Variants in RYR2 observed in about 807,000 individuals in gnomAD.
RYR2 encodes the protein ryanodine receptor 2, also known as cardiac muscle ryanodine receptor-calcium release channel.
Under a neutral mutation model 601.1 loss-of-function variants are expected in RYR2, and 227 were observed. That is an observed-to-expected ratio of 0.38 (90% CI 0.34 to 0.42). RYR2 has a LOEUF of 0.42. Ranked by LOEUF, RYR2 falls within the 10% of genes least tolerant of loss-of-function variation. The pLI is 1.00. For missense variants in RYR2, 4,646 were observed against 6,156.5 expected (o/e 0.75, Z 8.21); for synonymous variants, 2,223 against 2,175.1 (o/e 1.02, Z -0.61).
chr1:237,609,784 A>G (rs535009532), intron 35 of RYR2, among the ~76,000 whole-genome samples: 1 of 152,164 alleles, frequency 6.6e-6, no homozygotes, highest in South Asian at 2.1e-4. Flanking sequence ...CCCCAGGCCC[A>G]TGACATCTCT....
intron 2 of RYR2, among the ~76,000 whole-genome samples, chr1:237,323,099 A>G (rs897105685): frequency 6.6e-6 from 1 of 152,158 alleles, no homozygotes; most frequent in Non-Finnish European, 1.5e-5. Flanking sequence ...TTTTCAAAAC[A>G]TAATTCTGAC....
chr1:237,235,569 G>A (rs1411506898), intron 1 of RYR2, among the ~76,000 whole-genome samples: 2 of 152,158 alleles, frequency 1.3e-5, no homozygotes, highest in Non-Finnish European at 2.9e-5. Flanking sequence ...TGGAGTTGGT[G>A]GAGTGAACTG....
intron 2 of RYR2, among the ~76,000 whole-genome samples, chr1:237,300,607 G>C (rs1342842102): frequency 6.6e-6 from 1 of 152,090 alleles, no homozygotes; most frequent in East Asian, 1.9e-4. Context: ...ATGAGTTGCT[G>C]ATGATCTGCA....
At chr1:237,064,019 G>T (rs1663220710) in intron 1 of RYR2, among the ~76,000 whole-genome samples, 1 of 151,920 alleles carries the variant, frequency 6.6e-6, no homozygotes, top group African/African-American at 2.4e-5. Flanking sequence ...TGAATCTGAG[G>T]CTTGGTATTT....
At position 237,707,109 on chromosome 1, in the gene RYR2, T is replaced by C; in HGVS notation, c.9741T>C (p.Ser3247=). 1 of 1,613,942 alleles carries C rather than the reference T, an allele frequency of 6.2e-7. No individual in the cohort carries two copies. Among genetic ancestry groups the C allele is most frequent in the Non-Finnish European group, 8.5e-7 (1 of 1,179,882 alleles). The part of the protein sequence containing the change: ...VILPMLCSYM[S]RWWEHGPENN... ...TGCCCATGCTTTGCAGCTACATGTC[T>C]CGTTGGTGGGAGCATGGACCTGAGA... Residue 3247 remains serine (S), a synonymous_variant, in exon 68 of 105, where the codon TCT becomes TCC. Coordinates refer to ENST00000366574, the MANE Select transcript of RYR2 (RefSeq NM_001035.3).
Position 237,721,173 on chromosome 1 carries a change from A to G in RYR2, c.10555-1955A>G, listed in dbSNP as rs141936433. 4.6e-5 allele frequency among the ~76,000 whole-genome samples: 7 copies of G among 152,328 alleles called. No individual in the cohort carries two copies. In the East Asian group the frequency reaches 1.2e-3, roughly 25 times the overall value. On this transcript the variant is annotated intron_variant, in intron 73 of 104. Coordinates refer to ENST00000366574, the MANE Select transcript of RYR2 (RefSeq NM_001035.3). Reference sequence around the variant, plus strand: ...GCCAGAGGAGTAATTTTATGTTAGAATAAAGATTCTACTTTATTAATTATG... The same window carrying G: ...GCCAGAGGAGTAATTTTATGTTAGAGTAAAGATTCTACTTTATTAATTATG...
intron 1 of RYR2, among the ~76,000 whole-genome samples, chr1:237,103,967 C>T (rs1038347955): frequency 2.0e-5 from 3 of 152,120 alleles, no homozygotes; most frequent in Admixed American, 1.3e-4. Context: ...GGTTGTCTCT[C>T]TGTGGTCACC....
At chr1:237,246,723 T>C (rs1039118799) in intron 1 of RYR2, among the ~76,000 whole-genome samples, 4 of 152,208 alleles carry the variant, frequency 2.6e-5, no homozygotes, top group East Asian at 3.8e-4. Context: ...TAATTGAATC[T>C]TCCTCTCCTT....
chr1:237,427,177 GAAGTA>G (rs531072941), intron 12 of RYR2, among the ~76,000 whole-genome samples: 3 of 152,234 alleles, frequency 2.0e-5, no homozygotes, highest in African/African-American at 4.8e-5. Flanking sequence ...CTAATAAAAA[GAAGTA>G]AAGTGTTACT....
At chr1:237,529,728 G>A (rs10925447) in intron 24 of RYR2, among the ~76,000 whole-genome samples, 4 of 138,614 alleles carry the variant, frequency 2.9e-5, no homozygotes, top group Admixed American at 7.5e-5. Context: ...CTGTATATAC[G>A]CATTTCTATA....
chr1:237,737,389 A>C (rs2149191592), intron 79 of RYR2, among the ~76,000 whole-genome samples: 1 of 152,320 alleles, frequency 6.6e-6, no homozygotes, highest in South Asian at 2.1e-4. Context: ...TGCCACCCAG[A>C]AGTTAATCAA....
In RYR2 at chr1:237,402,388, T is replaced by TA. The variant is rs759222041; in HGVS notation, c.773+14215dup. ...GGTGGCAGAGCAAGACCCTATCTCT[T>TA]AAAAAAAAAAGAAAAAAAAATATAT... is the stretch of plus-strand genomic sequence containing the variant. On this transcript the variant is annotated intron_variant, in intron 10 of 104. Coordinates refer to ENST00000366574, the MANE Select transcript of RYR2 (RefSeq NM_001035.3). Among the ~76,000 whole-genome samples the TA allele has an allele frequency of 7.6e-3, 1,078 of 141,204 alleles. 14 individuals are homozygous for TA. The highest frequency in any genetic ancestry group is 0.025 in the African/African-American group (965 of 38,326). 92.6% of individuals were successfully genotyped at this position (141,204 alleles called of 152,430 possible).
intron 62 of RYR2, among the ~76,000 whole-genome samples, chr1:237,684,303 C>T (rs1298491118): frequency 1.3e-5 from 2 of 152,020 alleles, no homozygotes; most frequent in Non-Finnish European, 2.9e-5. Context: ...TAAACACACA[C>T]ACACACAATA....
chr1:237,392,648 G>A (rs911376577), intron 10 of RYR2, among the ~76,000 whole-genome samples: 2 of 151,320 alleles, frequency 1.3e-5, no homozygotes, highest in Non-Finnish European at 2.9e-5. Flanking sequence ...ATCAACAAAG[G>A]CATTTCCTTT....
At chr1:237,563,374 G>A (rs111325478) in intron 27 of RYR2, among the ~76,000 whole-genome samples, 2,128 of 146,088 alleles carry the variant, frequency 0.015, 18 homozygotes, top group Non-Finnish European at 0.023. Context: ...TGGTGCCATC[G>A]CACTCCAGCC....
rs181584115 is a variant in RYR2, at chr1:237,055,135, G to C, written c.48+12566G>C. On this transcript the variant is annotated intron_variant, in intron 1 of 104. Transcript: ENST00000366574. ...TCTCTTCAGTTAAACCCTTGAGAGT[G>C]CCATTCCCTTCCTTGATGAGACCCT... 2.9e-3 allele frequency among the ~76,000 whole-genome samples: 440 copies of C among 152,246 alleles called. 3 individuals carry two copies. Among genetic ancestry groups the C allele is most frequent in the African/African-American group, 0.01 (427 of 41,512 alleles).
chr1:237,451,507 G>A (rs1177230393), intron 14 of RYR2, among the ~76,000 whole-genome samples: 5 of 150,608 alleles, frequency 3.3e-5, no homozygotes, highest in Non-Finnish European at 7.4e-5. Flanking sequence ...CCTGAACTCA[G>A]GAGGCAGAGG....
intron 38 of RYR2, among the ~76,000 whole-genome samples, chr1:237,620,842 C>G (rs907152249): frequency 6.6e-6 from 1 of 152,016 alleles, no homozygotes; most frequent in African/African-American, 2.4e-5. Flanking sequence ...ATTCAAGACT[C>G]CTCTCTCAGT....
intron 71 of RYR2, among the ~76,000 whole-genome samples, chr1:237,713,475 C>A (rs1689006681): frequency 6.6e-6 from 1 of 152,124 alleles, no homozygotes; most frequent in Non-Finnish European, 1.5e-5. Context: ...CGGCTCACTG[C>A]AACCTCTGCC....
Sources: gnomAD v4.1 joint callset for allele counts (sites outside exome capture counted in the v4.1 genomes callset) on GRCh38, gnomAD v4.1.1 for gene constraint, MANE v1.5 for transcripts, NCBI Gene and HGNC (gene_info 2026-07-23, HGNC 2026-07-21) for gene names.